PCYOX1: variants seen among roughly 807,000 people sequenced by gnomAD.
PCYOX1 encodes prenylcysteine oxidase 1.
PCYOX1 carries 46 observed loss-of-function variants against 46.4 expected under a neutral mutation model. The ratio of observed to expected loss-of-function variants is 0.99; its 90% CI spans 0.78 to 1.27. PCYOX1 has a LOEUF of 1.27. Ranked by LOEUF, PCYOX1 falls within the 50% of genes most tolerant of loss-of-function variation. The probability of loss-of-function intolerance (pLI) is 0.00; values close to 1 mark genes in which losing one functional copy is unlikely to be tolerated. For synonymous variants in PCYOX1, 220 were observed against 231.8 expected (o/e 0.95, Z 0.46); for missense variants, 658 against 628.3 (o/e 1.05, Z -0.51).
chr2:70,263,813 C>G (rs1696473939), intron 3 of PCYOX1, among the ~76,000 whole-genome samples: 1 of 151,510 alleles, frequency 6.6e-6, no homozygotes, highest in African/African-American at 2.4e-5. Flanking sequence ...GCACATGCCA[C>G]CATGCCTGGT....
chr2:70,258,914 C>G (rs889765139), intron 1 of PCYOX1, among the ~76,000 whole-genome samples: 3 of 152,218 alleles, frequency 2.0e-5, no homozygotes, highest in African/African-American at 2.4e-5. Flanking sequence ...CTGTCTCCCT[C>G]CCGCCCCCCT....
At position 70,262,097 on chromosome 2, in the gene PCYOX1, T is replaced by C. The variant is rs961284153; in HGVS notation, c.494+711T>C. On this transcript the variant is annotated intron_variant, in intron 3 of 5. Transcript: ENST00000433351. The stretch of plus-strand genomic sequence containing the variant: ...GGTAATCAGGAAGACTAACATAAAA[T>C]AGCCAGTCTAATTTTGAAAGGTACA... Among the ~76,000 whole-genome samples, 7 of 152,194 alleles carry C rather than the reference T, an allele frequency of 4.6e-5. No individual in the cohort carries two copies. In the East Asian group the frequency reaches 1.2e-3, roughly 25 times the overall value.
At chr2:70,273,207 A>T (rs1054177603) in intron 3 of PCYOX1, among the ~76,000 whole-genome samples, 1 of 152,058 alleles carries the variant, frequency 6.6e-6, no homozygotes, top group Non-Finnish European at 1.5e-5. Flanking sequence ...TTATTTTCTC[A>T]TGTTGACCAT....
Position 70,277,373 on chromosome 2 carries a change from A to G in PCYOX1, c.1499A>G (p.Lys500Arg). The change falls in exon 6 of 6, where the codon AAA (lysine) becomes AGA (arginine). Residue 500 changes from lysine (K) to arginine (R), a missense_variant. Lys to Arg is a conservative substitution (Grantham distance 26). Transcript: ENST00000433351. Reference protein sequence around the residue: ...DMIDQDGLYEKLKTEL With the variant: ...DMIDQDGLYERLKTEL Reference sequence around the variant, plus strand: ...ATTGATCAGGATGGCTTATATGAGAAACTTAAAACTGAACTATGAAGTGAC... The same window carrying G: ...ATTGATCAGGATGGCTTATATGAGAGACTTAAAACTGAACTATGAAGTGAC... 1 of 1,595,854 alleles carries G rather than the reference A, an allele frequency of 6.3e-7. No homozygotes were observed. The highest frequency in any genetic ancestry group is 8.6e-7 in the Non-Finnish European group (1 of 1,166,370).
At chr2:70,266,477 T>A (rs1195284565) in intron 3 of PCYOX1, among the ~76,000 whole-genome samples, 9 of 151,970 alleles carry the variant, frequency 5.9e-5, no homozygotes, top group Non-Finnish European at 1.0e-4. Context: ...TTTTTTTTGT[T>A]AGTATTTATT....
chr2:70,264,286 G>A (rs2104891416), intron 3 of PCYOX1, among the ~76,000 whole-genome samples: 1 of 150,806 alleles, frequency 6.6e-6, no homozygotes, highest in Non-Finnish European at 1.5e-5. Context: ...TTTATCTGTG[G>A]CTTGCTTGAG....
chr2:70,276,858 C>T lies in PCYOX1; in HGVS notation c.984C>T (p.Asn328=), dbSNP rs781305612. 2 of 1,613,464 alleles carry T rather than the reference C, an allele frequency of 1.2e-6. No individual in the cohort carries two copies. Among genetic ancestry groups the T allele is most frequent in the East Asian group, 4.5e-5 (2 of 44,876 alleles). The part of the protein sequence containing the change: ...NRKMSNITFL[N]FDPPIEEFHQ... ...AAATGTCGAATATTACTTTTCTCAA[C>T]TTTGATCCTCCAATTGAGGAATTCC... is the stretch of plus-strand genomic sequence containing the variant. The change falls in exon 6 of 6, where the codon AAC becomes AAT. Residue 328 remains asparagine, a synonymous_variant. Transcript: ENST00000433351.
In PCYOX1 at chr2:70,278,106, G is replaced by C. The variant is rs1696713058; in HGVS notation, c.*714G>C. ...TTGATTTGATTAGGGGTGAAATTTA[G>C]AAGTCTTAGTAATGTAACTTGAAGA... On this transcript the variant is annotated 3_prime_UTR_variant, in exon 6 of 6. Transcript: ENST00000433351. The C allele has an allele frequency of 6.6e-6, 1 of 152,324 alleles. No individual in the cohort carries two copies. The highest frequency in any genetic ancestry group is 1.5e-5 in the Non-Finnish European group (1 of 68,026). The allele number at this position is 152,324 out of a possible 1,614,324, so 9.4% of individuals were successfully genotyped here. A position where few individuals can be genotyped will look rare whatever the true frequency, so the allele number is the denominator to read the frequency against.
chr2:70,267,157 C>T (rs908708370), intron 3 of PCYOX1, among the ~76,000 whole-genome samples: 2 of 151,862 alleles, frequency 1.3e-5, no homozygotes, highest in African/African-American at 2.4e-5. Context: ...GACGGCGTCG[C>T]GGCCGGGCAG....
chr2:70,277,171 T>C lies in PCYOX1; in HGVS notation c.1297T>C (p.Trp433Arg), dbSNP rs773744921. ...LSYDYAVKKP[W>R]LAYPHYKPPE... Reference sequence around the variant, plus strand: ...CTATGATTATGCTGTGAAGAAGCCATGGCTTGCATATCCTCACTATAAGCC... The same window carrying C: ...CTATGATTATGCTGTGAAGAAGCCACGGCTTGCATATCCTCACTATAAGCC... The change falls in exon 6 of 6, where the codon TGG (tryptophan) becomes CGG (arginine). Residue 433 changes from tryptophan (W) to arginine (R), a missense_variant. Trp to Arg is a moderately radical substitution (Grantham distance 101). Transcript: ENST00000433351. 6 of 1,614,114 alleles carry C rather than the reference T, an allele frequency of 3.7e-6. No homozygotes were observed. Among genetic ancestry groups the C allele is most frequent in the Non-Finnish European group, 5.1e-6 (6 of 1,179,956 alleles).
At chr2:70,272,807 C>T (rs1696619944) in intron 3 of PCYOX1, among the ~76,000 whole-genome samples, 1 of 152,076 alleles carries the variant, frequency 6.6e-6, no homozygotes, top group Admixed American at 6.6e-5. Flanking sequence ...AAGCAATTCT[C>T]ATGCCTCAGC....
intron 3 of PCYOX1, among the ~76,000 whole-genome samples, chr2:70,262,895 C>G (rs1296837505): frequency 6.6e-6 from 1 of 152,032 alleles, no homozygotes; most frequent in African/African-American, 2.4e-5. Flanking sequence ...AAAAACAAAA[C>G]AAAACAAAAC....
chr2:70,261,316 GT>G lies in PCYOX1; in HGVS notation c.427del (p.Trp143GlyfsTer14), dbSNP rs776246252. 2 of 1,612,296 alleles carry G rather than the reference GT, an allele frequency of 1.2e-6. No individual in the cohort carries two copies. The highest frequency in any genetic ancestry group is 1.7e-6 in the Non-Finnish European group (2 of 1,178,288). On this transcript the variant is annotated frameshift_variant, in exon 3 of 6. Transcript: ENST00000433351. LOFTEE classifies it high-confidence loss of function. ...NWFIINVIKL[V>X]WRYGFQSLRM... ...GTTCATAATTAACGTGATTAAATTA[GT>G]TTGGCGCTATGGATTTCAATCCCTC...
At chr2:70,261,171 C>T in intron 2 of PCYOX1, 41 bp from the exon 3 acceptor site, 2 of 1,408,848 alleles carry the variant, frequency 1.4e-6, no homozygotes, top group Non-Finnish European at 2.0e-6. Context: ...ATTTGATCAG[C>T]ATAGACACCA....
At chr2:70,265,483 G>A (rs1696509125) in intron 3 of PCYOX1, among the ~76,000 whole-genome samples, 1 of 152,046 alleles carries the variant, frequency 6.6e-6, no homozygotes, top group Non-Finnish European at 1.5e-5. Context: ...GAGCCACCGC[G>A]CTCAGCCGGA....
At position 70,278,170 on chromosome 2, in the gene PCYOX1, T is replaced by C. The variant is rs564019055; in HGVS notation, c.*778T>C. 1 of 152,770 alleles carries C rather than the reference T, an allele frequency of 6.5e-6. No homozygotes were observed. The highest frequency in any genetic ancestry group is 2.1e-4 in the South Asian group (1 of 4,832). 9.5% of individuals were successfully genotyped at this position (152,770 alleles called of 1,614,324 possible). On this transcript the variant is annotated 3_prime_UTR_variant, in exon 6 of 6. Transcript: ENST00000433351. ...TCTCAAGTAAAATGAAAAGCAAATA[T>C]GGGCTACTGAATTAAGAAACTGGCA... is the stretch of plus-strand genomic sequence containing the variant.
chr2:70,259,338 C>T (rs764891023), intron 1 of PCYOX1, 22 bp from the exon 2 acceptor site: 1 of 1,597,270 alleles, frequency 6.3e-7, no homozygotes, highest in Non-Finnish European at 8.6e-7. Flanking sequence ...AAAATATAAT[C>T]TTCTGTTTTT....
chr2:70,271,358 A>G (rs1028917652), intron 3 of PCYOX1, among the ~76,000 whole-genome samples: 2 of 150,780 alleles, frequency 1.3e-5, no homozygotes, highest in African/African-American at 4.9e-5. Flanking sequence ...CTGCGCTCCA[A>G]AATTGAAGTC....
At chr2:70,259,239 AC>A in intron 1 of PCYOX1, 120 bp from the exon 2 acceptor site, 1 of 855,836 alleles carries the variant, frequency 1.2e-6, no homozygotes, top group Admixed American at 2.1e-5. Context: ...CTCTTCCCCC[AC>A]CAAATTGTTG....
Sources: allele counts gnomAD v4.1 joint callset (sites outside exome capture counted in the v4.1 genomes callset), GRCh38; gene constraint gnomAD v4.1.1; transcripts MANE v1.5; gene names NCBI Gene and HGNC (gene_info 2026-07-23, HGNC 2026-07-21).